SRD5A2: variants seen among roughly 807,000 people sequenced by gnomAD.
SRD5A2 encodes steroid 5 alpha-reductase 2.
Under a neutral mutation model 27.4 loss-of-function variants are expected in SRD5A2, and 30 were observed. That is an observed-to-expected ratio of 1.10 (90% confidence interval 0.82 to 1.49). The LOEUF (loss-of-function observed/expected upper bound fraction) is 1.49. Among genes scored for constraint, SRD5A2 ranks in the 40% most tolerant of loss-of-function variants. The pLI, the probability that SRD5A2 is intolerant of heterozygous loss-of-function variation, is 0.00. For synonymous variants in SRD5A2, 141 were observed against 133.6 expected (o/e 1.06, Z -0.38); for missense variants, 348 against 323.4 (o/e 1.08, Z -0.58).
At chr2:31,531,336 G>T in intron 3 of SRD5A2, 35 bp downstream of exon 3, 1 of 1,458,920 alleles carries the variant, frequency 6.9e-7, no homozygotes, top group Non-Finnish European at 9.4e-7. Flanking sequence ...AGGCTCCAGG[G>T]AAGAGTGAGA....
chr2:31,533,825 C>T, intron 1 of SRD5A2, 59 bp from the exon 2 acceptor site: 1 of 1,530,462 alleles, frequency 6.5e-7, no homozygotes, highest in Non-Finnish European at 8.8e-7. Context: ...ATGGTCTCAT[C>T]CCCACCTCTT....
chr2:31,640,014 A>G, the SRD5A2 span, among the ~76,000 whole-genome samples: 2 of 152,038 alleles, frequency 1.3e-5, no homozygotes, highest in African/African-American at 4.8e-5. Flanking sequence ...AATATCTTGC[A>G]GGCAGTCTTT....
intron 4 of SRD5A2, among the ~76,000 whole-genome samples, chr2:31,528,831 G>A (rs572258697): frequency 6.7e-4 from 102 of 152,274 alleles, no homozygotes; most frequent in African/African-American, 2.4e-3. Context: ...GCTGGCCATG[G>A]TCCCACCTCT....
the SRD5A2 span, among the ~76,000 whole-genome samples, chr2:31,589,237 G>A: frequency 1.3e-4 from 20 of 152,186 alleles, no homozygotes; most frequent in Non-Finnish European, 2.9e-4. Context: ...AACTGCCCAT[G>A]TCAAGAGAGC....
chr2:31,647,075 G>T, the SRD5A2 span, among the ~76,000 whole-genome samples: 5 of 151,482 alleles, frequency 3.3e-5, no homozygotes, highest in Middle Eastern at 3.2e-3. Flanking sequence ...AATCTGAGAG[G>T]TGGAGGTTGC....
Position 31,522,986 on chromosome 2 carries a change from G to A in SRD5A2, c.*3210C>T, listed in dbSNP as rs1324339795. The A allele has an allele frequency of 4.5e-6, 1 of 221,330 alleles. No homozygotes were observed. The highest frequency in any genetic ancestry group is 9.0e-6 in the Non-Finnish European group (1 of 110,650). 13.7% of individuals were successfully genotyped at this position (221,330 alleles called of 1,614,324 possible). On this transcript the variant is annotated 3_prime_UTR_variant, in exon 5 of 5. Transcript: ENST00000622030. Reference sequence around the variant, plus strand: ...CAAACTTCAGGGTTGTAAAACCACGGATTTATTTATTTGTTCCTGAAAGGG... The same window carrying A: ...CAAACTTCAGGGTTGTAAAACCACGAATTTATTTATTTGTTCCTGAAAGGG...
chr2:31,565,422 G>C (rs1054874875), intron 1 of SRD5A2, among the ~76,000 whole-genome samples: 1 of 151,750 alleles, frequency 6.6e-6, no homozygotes, highest in African/African-American at 2.4e-5. Context: ...CAGGGGGAAA[G>C]AAAAATTGAA....
chr2:31,579,910 C>T (rs1252646381), intron 1 of SRD5A2, among the ~76,000 whole-genome samples: 1 of 152,168 alleles, frequency 6.6e-6, no homozygotes, highest in Admixed American at 6.5e-5. Flanking sequence ...CTGTAAGTTA[C>T]CCACTCACAT....
the SRD5A2 span, chr2:31,651,418 ATGGGGTAACAG>A: frequency 2.2e-5 from 5 of 231,532 alleles, no homozygotes; most frequent in African/African-American, 1.2e-4. Flanking sequence ...ACATGTCCAA[ATGGGGTAACAG>A]TGGCAATGAC....
the SRD5A2 span, among the ~76,000 whole-genome samples, chr2:31,594,736 C>A: frequency 2.7e-4 from 41 of 152,216 alleles, no homozygotes; most frequent in Admixed American, 2.3e-3. Context: ...ACATTCTACC[C>A]AACCAATGCA....
the SRD5A2 span, among the ~76,000 whole-genome samples, chr2:31,630,032 G>C: frequency 3.9e-3 from 590 of 152,250 alleles, 4 homozygotes; most frequent in African/African-American, 0.014. Context: ...CCTCAATATG[G>C]GCAGTTATGT....
chr2:31,621,958 T>C, the SRD5A2 span, among the ~76,000 whole-genome samples: 1 of 151,742 alleles, frequency 6.6e-6, no homozygotes, highest in African/African-American at 2.4e-5. Context: ...TGTAATTTTT[T>C]AATTTTTTTC....
chr2:31,568,898 C>G (rs750346184), intron 1 of SRD5A2, among the ~76,000 whole-genome samples: 25 of 152,368 alleles, frequency 1.6e-4, no homozygotes, highest in Non-Finnish European at 2.6e-4. Context: ...CATGCCAGGC[C>G]GAGCAACAGC....
Position 31,580,614 on chromosome 2 carries a change from C to A in SRD5A2, c.281+6G>T. 2 of 1,543,054 alleles carry A rather than the reference C, an allele frequency of 1.3e-6. No individual in the cohort carries two copies. The highest frequency in any genetic ancestry group is 1.7e-6 in the Non-Finnish European group (2 of 1,149,276). On this transcript the variant is annotated splice_donor_region_variant and intron_variant, in intron 1 of 4. Coordinates refer to ENST00000622030, the MANE Select transcript of SRD5A2 (RefSeq NM_000348.4). ...GCACTGGGCGCCCGCAAGGGAAAAA[C>A]GCTACCTGTGGAAGTAATGTAGGCA...
the SRD5A2 span, among the ~76,000 whole-genome samples, chr2:31,610,718 G>GA: frequency 7.2e-5 from 11 of 152,156 alleles, no homozygotes; most frequent in East Asian, 2.1e-3. Context: ...CTGATGACAT[G>GA]ACCTTTTATG....
chr2:31,604,756 G>A, the SRD5A2 span, among the ~76,000 whole-genome samples: 96,714 of 151,560 alleles, frequency 0.64, 31,083 homozygotes, highest in Middle Eastern at 0.67. Flanking sequence ...GATTCAATGC[G>A]ATTCGTGTCA....
At chr2:31,555,605 A>G (rs945372164) in intron 1 of SRD5A2, among the ~76,000 whole-genome samples, 2 of 152,204 alleles carry the variant, frequency 1.3e-5, no homozygotes, top group Non-Finnish European at 2.9e-5. Flanking sequence ...AGCTGGAGAA[A>G]GAAACCAGGT....
At chr2:31,562,351 C>T (rs1666642213) in intron 1 of SRD5A2, among the ~76,000 whole-genome samples, 2 of 151,872 alleles carry the variant, frequency 1.3e-5, no homozygotes, top group Admixed American at 6.6e-5. Flanking sequence ...ATGGGGTATC[C>T]ACCACCTCAA....
At chr2:31,596,599 C>T in the SRD5A2 span, among the ~76,000 whole-genome samples, 1 of 152,024 alleles carries the variant, frequency 6.6e-6, no homozygotes, top group Non-Finnish European at 1.5e-5. Flanking sequence ...ACCCTAAAGA[C>T]TCATCCAAAA....
Sources: allele counts gnomAD v4.1 joint callset (sites outside exome capture counted in the v4.1 genomes callset), GRCh38; gene constraint gnomAD v4.1.1; transcripts MANE v1.5; gene names NCBI Gene and HGNC (gene_info 2026-07-23, HGNC 2026-07-21).